The following SEC14L5 variants were observed in gnomAD, a reference collection of about 807,000 sequenced individuals.
The protein encoded by SEC14L5 is SEC14 like lipid binding 5, also known as SEC14-like protein 5.
Under a neutral mutation model 84.6 loss-of-function variants are expected in SEC14L5, and 96 were observed. That is an observed-to-expected ratio of 1.13 (90% CI 0.96 to 1.34). SEC14L5 has a LOEUF of 1.34. Ranked by LOEUF, SEC14L5 falls within the 40% of genes most tolerant of loss-of-function variation. SEC14L5 has a pLI of 0.00. For missense variants in SEC14L5, 1,224 were observed against 942.5 expected (o/e 1.30, Z -3.91); for synonymous variants, 546 against 383.4 (o/e 1.42, Z -4.95).
chr16:4,987,659 G>A lies in SEC14L5; in HGVS notation c.166G>A (p.Glu56Lys), dbSNP rs1027329632. 3.2e-6 allele frequency: 5 copies of A among 1,549,566 alleles called. No individual in the cohort carries two copies. The East Asian group carries it at 1.3e-4, about 39-fold the overall frequency. Residue 56 changes from glutamate (E) to lysine (K), a missense_variant, in exon 3 of 16, where the codon GAG becomes AAG. Transcript: ENST00000251170. ...CCCGGACGGGGCTGTGCACGTGGTG[G>A]AGCGGAGCTGCCGGCTGCGCGTGGA... ...RSPDGAVHVVERSCRLRVDAP... is the reference protein window; with the variant it reads ...RSPDGAVHVVKRSCRLRVDAP...
rs777715835 is a variant in SEC14L5, at chr16:5,003,462, G to T, written c.1191G>T (p.Gly397=). ...GLNMRHLWRP[G]VKALLRMIEV... The stretch of plus-strand genomic sequence containing the variant: ...ACATGCGGCACCTGTGGCGGCCGGG[G>T]GTGAAGGCCCTGCTGCGGATGATTG... Residue 397 remains glycine (G), a synonymous_variant, in exon 11 of 16, where the codon GGG becomes GGT. Transcript: ENST00000251170. 6.4e-5 allele frequency: 103 copies of T among 1,613,186 alleles called. No homozygotes were observed. The highest frequency in any genetic ancestry group is 8.6e-5 in the Non-Finnish European group (102 of 1,179,636).
chr16:5,006,718 G>A (rs1380398854), intron 12 of SEC14L5, among the ~76,000 whole-genome samples: 3 of 152,320 alleles, frequency 2.0e-5, no homozygotes, highest in Non-Finnish European at 4.4e-5. Context: ...TGTTCTCTCC[G>A]TTTGTGATGT....
Position 5,007,606 on chromosome 16 carries a change from C to CTTTCTTTCT in SEC14L5, c.1572+123_1572+124insCTTTCTTTT, listed in dbSNP as rs1955746361. On this transcript the variant is annotated intron_variant, in intron 13 of 15. Coordinates refer to ENST00000251170, the MANE Select transcript of SEC14L5 (RefSeq NM_014692.2). ...TTTTCTTTTCTTTCTTTCTTTCTTT[C>CTTTCTTTCT]TTTTTTTTTTTTTTTTTGGGATGGA... The CTTTCTTTCT allele has an allele frequency of 8.9e-6, 5 of 562,878 alleles. No individual in the cohort carries two copies. The African/African-American group carries it at 9.3e-5, about 10-fold the overall frequency. The allele number at this position is 562,878 out of a possible 1,614,324, so 34.9% of individuals were successfully genotyped here. A position where few individuals can be genotyped will look rare whatever the true frequency, so the allele number is the denominator to read the frequency against.
chr16:5,013,174 T>C (rs1480400230), intron 15 of SEC14L5, among the ~76,000 whole-genome samples: 1 of 151,992 alleles, frequency 6.6e-6, no homozygotes, highest in Non-Finnish European at 1.5e-5. Context: ...CACTTGGGGA[T>C]TACAATTTGA....
In SEC14L5 at chr16:4,986,928, C is replaced by T. The variant is rs571132591; in HGVS notation, c.64-629C>T. Reference sequence around the variant, plus strand: ...ATTAGTTCTAATCTTTTTGTGTGTACGTGTGTGGATGCTTTAGGATTTTCT... The same window carrying T: ...ATTAGTTCTAATCTTTTTGTGTGTATGTGTGTGGATGCTTTAGGATTTTCT... On this transcript the variant is annotated intron_variant, in intron 2 of 15. Coordinates refer to ENST00000251170, the MANE Select transcript of SEC14L5 (RefSeq NM_014692.2). Among the ~76,000 whole-genome samples the T allele has an allele frequency of 2.0e-3, 306 of 152,226 alleles. 2 individuals carry two copies. The highest frequency in any genetic ancestry group is 6.7e-3 in the African/African-American group (278 of 41,540).
chr16:4,967,739 A>G (rs1955221818), intron 2 of SEC14L5, among the ~76,000 whole-genome samples: 1 of 149,476 alleles, frequency 6.7e-6, no homozygotes, highest in Non-Finnish European at 1.5e-5. Flanking sequence ...TGCCTGGCTG[A>G]TTTTTGTATT....
rs773317293 is a variant in SEC14L5, at chr16:5,008,616, C to T, written c.1768C>T (p.Pro590Ser). 6 of 1,604,324 alleles carry T rather than the reference C, an allele frequency of 3.7e-6. No homozygotes were observed. Among genetic ancestry groups the T allele is most frequent in the South Asian group, 3.4e-5 (3 of 89,448 alleles). ...CAGGGATTACAGCCGTGTGGAGGCTCCCCTTGTCTGCCGGGAGGGGGAGAG... is the reference window on the plus strand; with the variant it reads ...CAGGGATTACAGCCGTGTGGAGGCTTCCCTTGTCTGCCGGGAGGGGGAGAG... ...LGRDYSRVEA[P>S]LVCREGESIQ... Residue 590 changes from proline to serine, a missense_variant, in exon 14 of 16, where the codon CCC (proline) becomes TCC (serine). Coordinates refer to ENST00000251170, the MANE Select transcript of SEC14L5 (RefSeq NM_014692.2).
intron 15 of SEC14L5, 114 bp from the exon 16 acceptor site, chr16:5,014,745 G>GCCTGGGGC (rs766202677): frequency 4.1e-6 from 3 of 740,364 alleles, no homozygotes; most frequent in Non-Finnish European, 4.5e-6. Context: ...CTTTGCATCG[G>GCCTGGGGC]CCTGGGGCCC....
At chr16:4,981,256 T>G (rs989219143) in intron 2 of SEC14L5, among the ~76,000 whole-genome samples, 1 of 5,928 alleles carries the variant, frequency 1.7e-4, no homozygotes, top group South Asian at 9.6e-3. Flanking sequence ...AGCTAATTGG[T>G]TTTTTTTTTT....
intron 10 of SEC14L5, among the ~76,000 whole-genome samples, chr16:5,003,008 A>G (rs1955693360): frequency 6.6e-6 from 1 of 152,256 alleles, no homozygotes; most frequent in African/African-American, 2.4e-5. Flanking sequence ...ATGGAATGCT[A>G]GGCCTAAATG....
intron 2 of SEC14L5, among the ~76,000 whole-genome samples, chr16:4,960,039 G>A (rs1318427071): frequency 1.3e-5 from 2 of 152,186 alleles, no homozygotes; most frequent in Non-Finnish European, 2.9e-5. Context: ...GCTTTGTGAT[G>A]TACTCTGTGT....
rs1955515685 is a variant in SEC14L5 at position 4,988,217 on chromosome 16, C to T, written c.282C>T (p.Leu94=). The T allele has an allele frequency of 6.2e-7, 1 of 1,613,530 alleles. No homozygotes were observed. The highest frequency in any genetic ancestry group is 8.5e-7 in the Non-Finnish European group (1 of 1,179,642). Reference sequence around the variant, plus strand: ...TGAACTGGAAGGAGAGGACGCTCCTCATCGAAGCGCACAATGAGACCTTCG... The same window carrying T: ...TGAACTGGAAGGAGAGGACGCTCCTTATCGAAGCGCACAATGAGACCTTCG... ...NILNWKERTL[L]IEAHNETFAN... The change falls in exon 4 of 16, where the codon CTC becomes CTT. Residue 94 remains leucine, a synonymous_variant. Coordinates refer to ENST00000251170, the MANE Select transcript of SEC14L5 (RefSeq NM_014692.2).
intron 2 of SEC14L5, among the ~76,000 whole-genome samples, chr16:4,960,333 G>A (rs535644558): frequency 6.4e-4 from 98 of 152,254 alleles, no homozygotes; most frequent in Middle Eastern, 6.8e-3. Context: ...TTATTACACC[G>A]AAGTCTTGTA....
chr16:4,975,912 T>C (rs1202298766), intron 2 of SEC14L5, among the ~76,000 whole-genome samples: 1 of 152,106 alleles, frequency 6.6e-6, no homozygotes, highest in Non-Finnish European at 1.5e-5. Context: ...GGCTGGAAGA[T>C]GTTGGTGCAG....
Position 5,015,429 on chromosome 16 carries a change from G to A in SEC14L5, c.*459G>A, listed in dbSNP as rs78617326. 843 of 161,230 alleles carry A rather than the reference G, an allele frequency of 5.2e-3. 5 individuals carry two copies. Among genetic ancestry groups the A allele is most frequent in the African/African-American group, 0.019 (796 of 41,860 alleles). The allele number at this position is 161,230 out of a possible 1,614,324, so 10.0% of individuals were successfully genotyped here. ...ACTTCCCAGAGCTGAGTCTTAGCCT[G>A]GAAGGGGGAGCGATTGCCAGGTCAA... On this transcript the variant is annotated 3_prime_UTR_variant, in exon 16 of 16. Coordinates refer to ENST00000251170, the MANE Select transcript of SEC14L5 (RefSeq NM_014692.2).
chr16:5,008,115 C>T (rs1416456831), intron 13 of SEC14L5, among the ~76,000 whole-genome samples: 3 of 151,798 alleles, frequency 2.0e-5, no homozygotes, highest in African/African-American at 4.8e-5. Flanking sequence ...GGGGTTTCAC[C>T]ATGTTGGCCA....
rs199762878 is a variant in SEC14L5, at chr16:5,014,928, C to G, written c.2049C>G (p.Ser683=). ...FSQLSAATSS[S]SSGQSHSSSL... ...AGCTCAGCGCCGCCACCTCGTCCTC[C>G]TCCTCCGGCCAGTCTCATAGCAGCT... Residue 683 remains serine, a synonymous_variant, in exon 16 of 16, where the codon TCC becomes TCG. Coordinates refer to ENST00000251170, the MANE Select transcript of SEC14L5 (RefSeq NM_014692.2). 4.5e-4 allele frequency: 732 copies of G among 1,612,764 alleles called. 5 individuals are homozygous for G. The highest frequency in any genetic ancestry group is 4.5e-4 in the South Asian group (41 of 91,090).
intron 2 of SEC14L5, among the ~76,000 whole-genome samples, chr16:4,962,388 C>G (rs1955134355): frequency 1.3e-5 from 2 of 151,940 alleles, no homozygotes; most frequent in African/African-American, 4.8e-5. Context: ...AAAAGGCTTT[C>G]AAATCTATAT....
At position 4,967,977 on chromosome 16, in the gene SEC14L5, C is replaced by T. The variant is rs376791697; in HGVS notation, c.63+8591C>T. 9.6e-3 allele frequency among the ~76,000 whole-genome samples: 1,319 copies of T among 137,270 alleles called. 25 individuals are homozygous for T. The highest frequency in any genetic ancestry group is 0.033 in the African/African-American group (1,232 of 36,988). 90.1% of individuals were successfully genotyped at this position (137,270 alleles called of 152,430 possible). A position where few individuals can be genotyped will look rare whatever the true frequency, so the allele number is the denominator to read the frequency against. ...CCCCTCCCCCTTCCCCTCCCTTCCC[C>T]TCCCCTCTCCTTCCCTTCCCTTTCT... On this transcript the variant is annotated intron_variant, in intron 2 of 15. Transcript: ENST00000251170.
Sources: gnomAD v4.1 joint callset for allele counts (sites outside exome capture counted in the v4.1 genomes callset) on GRCh38, gnomAD v4.1.1 for gene constraint, MANE v1.5 for transcripts, NCBI Gene and HGNC (gene_info 2026-07-23, HGNC 2026-07-21) for gene names.